Variants in BRIX1 observed in about 807,000 individuals in gnomAD.
BRIX1 encodes the protein biogenesis of ribosomes BRX1.
Under a neutral mutation model 44.0 loss-of-function variants are expected in BRIX1, and 15 were observed. The observed-to-expected ratio is 0.34, with a 90% confidence interval of 0.23 to 0.53. BRIX1 has a LOEUF of 0.53. BRIX1 is among the 20% of genes least tolerant of loss of function. The pLI is 0.95. For missense variants in BRIX1, 420 were observed against 432.8 expected (o/e 0.97, Z 0.26); for synonymous variants, 149 against 135.4 (o/e 1.10, Z -0.70).
In BRIX1 at chr5:34,922,297, T is replaced by C. The variant is rs1764256795; in HGVS notation, c.386+10T>C. ...AGGATCTCTATATGTGGTAAGAGAATGTATTAAGATTTTGGTTAAACTCAT... is the reference window on the plus strand; with the variant it reads ...AGGATCTCTATATGTGGTAAGAGAACGTATTAAGATTTTGGTTAAACTCAT... On this transcript the variant is annotated intron_variant, in intron 4 of 9. Coordinates refer to ENST00000336767, the MANE Select transcript of BRIX1 (RefSeq NM_018321.4). 4 of 1,509,492 alleles carry C rather than the reference T, an allele frequency of 2.6e-6. No individual in the cohort carries two copies. Among genetic ancestry groups the C allele is most frequent in the Non-Finnish European group, 3.7e-6 (4 of 1,094,994 alleles). The allele number at this position is 1,509,492 out of a possible 1,614,324, so 93.5% of individuals were successfully genotyped here. A position where few individuals can be genotyped will look rare whatever the true frequency, so the allele number is the denominator to read the frequency against.
intron 1 of BRIX1, among the ~76,000 whole-genome samples, chr5:34,917,139 G>A (rs1407368468): frequency 1.3e-5 from 2 of 151,478 alleles, no homozygotes; most frequent in African/African-American, 4.8e-5. Context: ...CACTCCAAGG[G>A]AGAAAAAAAA....
At position 34,925,699 on chromosome 5, in the gene BRIX1, G is replaced by C. The variant is rs1470626136; in HGVS notation, c.*204G>C. ...ATCAGTTAATTTCTGATTTCTTTTTGAAGTTTGTGTTGCTAAAAATGTAGC... is the reference window on the plus strand; with the variant it reads ...ATCAGTTAATTTCTGATTTCTTTTTCAAGTTTGTGTTGCTAAAAATGTAGC... On this transcript the variant is annotated 3_prime_UTR_variant, in exon 10 of 10. Coordinates refer to ENST00000336767, the MANE Select transcript of BRIX1 (RefSeq NM_018321.4). 3 of 529,864 alleles carry C rather than the reference G, an allele frequency of 5.7e-6. No homozygotes were observed. The highest frequency in any genetic ancestry group is 6.3e-6 in the Non-Finnish European group (2 of 319,566). 32.8% of individuals were successfully genotyped at this position (529,864 alleles called of 1,614,324 possible). A position where few individuals can be genotyped will look rare whatever the true frequency, so the allele number is the denominator to read the frequency against.
chr5:34,916,451 C>T (rs950676110), intron 1 of BRIX1: 11 of 152,364 alleles, frequency 7.2e-5, no homozygotes, highest in African/African-American at 2.6e-4. Flanking sequence ...TTGAATGTGC[C>T]ATGCACTGTA....
chr5:34,925,187 T>C (rs1373654330), intron 9 of BRIX1, 39 bp from the exon 10 acceptor site: 1 of 1,518,272 alleles, frequency 6.6e-7, no homozygotes, highest in East Asian at 2.4e-5. Context: ...ATGTTTATTT[T>C]TATTTCAAAA....
At chr5:34,919,978 T>C (rs750013349) in intron 3 of BRIX1, 95 bp downstream of exon 3, 1 of 565,620 alleles carries the variant, frequency 1.8e-6, no homozygotes, top group Non-Finnish European at 3.2e-6. Flanking sequence ...AAAATTATTT[T>C]GTAAAAACTA....
At chr5:34,920,470 A>C (rs561250546) in intron 3 of BRIX1, 16 of 152,336 alleles carry the variant, frequency 1.1e-4, no homozygotes, top group African/African-American at 3.6e-4. Flanking sequence ...TCTTTAGAGC[A>C]CAAATTTTTG....
chr5:34,922,335 G>A, intron 4 of BRIX1, 48 bp downstream of exon 4: 1 of 1,209,620 alleles, frequency 8.3e-7, no homozygotes, highest in Non-Finnish European at 1.2e-6. Context: ...AAGTGGATTT[G>A]TTCTTTGTAC....
chr5:34,921,234 C>T (rs1191134463), intron 3 of BRIX1: 1 of 152,166 alleles, frequency 6.6e-6, no homozygotes, highest in Non-Finnish European at 1.5e-5. Context: ...CAAGCCTTCA[C>T]TCCTGTAATG....
chr5:34,919,886 A>G lies in BRIX1; in HGVS notation c.315+3A>G. 1 of 1,136,142 alleles carries G rather than the reference A, an allele frequency of 8.8e-7. No homozygotes were observed. Among genetic ancestry groups the G allele is most frequent in the Non-Finnish European group, 1.3e-6 (1 of 781,358 alleles). 70.4% of individuals were successfully genotyped at this position (1,136,142 alleles called of 1,614,324 possible). ...ATAAGCTATTTGTGATTAACGAGGT[A>G]ATTTTGGAAAGTAATTGCAACAAAA... On this transcript the variant is annotated splice_donor_region_variant and intron_variant, in intron 3 of 9. Transcript: ENST00000336767.
chr5:34,925,287 A>T lies in BRIX1; in HGVS notation c.854A>T (p.Asp285Val), dbSNP rs1764352130. 1.2e-6 allele frequency: 2 copies of T among 1,613,122 alleles called. No individual in the cohort carries two copies. ...TACAGAGAGAAACAGCAAGTGAAAG[A>T]TGTGCAAAAACTGAGAAAGAAAGAG... ...AKYREKQQVKDVQKLRKKEPK... is the reference protein window; with the variant it reads ...AKYREKQQVKVVQKLRKKEPK... The change falls in exon 10 of 10, where the codon GAT (aspartate) becomes GTT (valine). Residue 285 changes from aspartate (D) to valine (V), a missense_variant. Transcript: ENST00000336767.
In BRIX1 at chr5:34,925,318, G is replaced by A. The variant is rs755737240; in HGVS notation, c.885G>A (p.Lys295=). The change falls in exon 10 of 10, where the codon AAG becomes AAA. Residue 295 remains lysine, a synonymous_variant. Coordinates refer to ENST00000336767, the MANE Select transcript of BRIX1 (RefSeq NM_018321.4). ...AAAAACTGAGAAAGAAAGAGCCGAA[G>A]ACTCTTCTTCCACATGATCCCACTG... ...DVQKLRKKEP[K]TLLPHDPTAD... 1 of 1,613,164 alleles carries A rather than the reference G, an allele frequency of 6.2e-7. No individual in the cohort carries two copies. The highest frequency in any genetic ancestry group is 1.1e-5 in the South Asian group (1 of 91,044).
chr5:34,921,320 C>G (rs769211193), intron 3 of BRIX1: 2 of 152,106 alleles, frequency 1.3e-5, no homozygotes, highest in Non-Finnish European at 2.9e-5. Context: ...GTTTGATATA[C>G]TTAGGCTTTT....
chr5:34,925,211 T>C lies in BRIX1; in HGVS notation c.793-15T>C. ...TTTATTTCAAAAGCATCTAATCTTT[T>C]TTTTTTTTTTTTAGCATCGGCGTGT... On this transcript the variant is annotated splice_polypyrimidine_tract_variant and intron_variant, in intron 9 of 9. Coordinates refer to ENST00000336767, the MANE Select transcript of BRIX1 (RefSeq NM_018321.4). The C allele has an allele frequency of 7.1e-7, 1 of 1,413,982 alleles. No homozygotes were observed. The highest frequency in any genetic ancestry group is 9.4e-7 in the Non-Finnish European group (1 of 1,063,356). The allele number at this position is 1,413,982 out of a possible 1,614,324, so 87.6% of individuals were successfully genotyped here. A position where few individuals can be genotyped will look rare whatever the true frequency, so the allele number is the denominator to read the frequency against.
At chr5:34,916,253 G>A (rs1764086219) in intron 1 of BRIX1, 1 of 176,692 alleles carries the variant, frequency 5.7e-6, no homozygotes, top group Non-Finnish European at 1.2e-5. Flanking sequence ...TATTTCTCCA[G>A]TGATTAGTAT....
At chr5:34,923,979 G>A (rs180718170) in intron 8 of BRIX1, among the ~76,000 whole-genome samples, 2 of 152,290 alleles carry the variant, frequency 1.3e-5, no homozygotes, top group South Asian at 2.1e-4. Context: ...CTAATTTGTA[G>A]AAAGTGCTGT....
Position 34,923,063 on chromosome 5 carries a change from T to A in BRIX1, c.561+12T>A, listed in dbSNP as rs1764273767. The A allele has an allele frequency of 6.4e-7, 1 of 1,565,632 alleles. No homozygotes were observed. The highest frequency in any genetic ancestry group is 1.7e-5 in the Admixed American group (1 of 59,684). ...AACTCTTAATTCAGGTAAATATCTT[T>A]AAAATTAGCTATCCAAAATATACAT... On this transcript the variant is annotated intron_variant, in intron 7 of 9. Transcript: ENST00000336767.
Position 34,925,638 on chromosome 5 carries a change from G to C in BRIX1, c.*143G>C, listed in dbSNP as rs950390662. On this transcript the variant is annotated 3_prime_UTR_variant, in exon 10 of 10. Transcript: ENST00000336767. ...GAAAAATTAAGATCTTAAAATCAGT[G>C]ATTATCTTTTTCTAAATAAAATATC... 4.0e-5 allele frequency: 26 copies of C among 647,808 alleles called. No homozygotes were observed. The highest frequency in any genetic ancestry group is 5.8e-5 in the Non-Finnish European group (24 of 413,036). 40.1% of individuals were successfully genotyped at this position (647,808 alleles called of 1,614,324 possible).
chr5:34,921,504 TAAG>T (rs1301733453), intron 3 of BRIX1: 1 of 152,212 alleles, frequency 6.6e-6, no homozygotes, highest in Non-Finnish European at 1.5e-5. Context: ...TAAGATTGGC[TAAG>T]AAGATTGATT....
chr5:34,917,509 G>A (rs1205124923), intron 1 of BRIX1, among the ~76,000 whole-genome samples: 1 of 151,816 alleles, frequency 6.6e-6, no homozygotes, highest in Non-Finnish European at 1.5e-5. Flanking sequence ...GTGCAGTGGC[G>A]GGCACCTGTA....
Sources: gnomAD v4.1 joint callset for allele counts (sites outside exome capture counted in the v4.1 genomes callset) on GRCh38, gnomAD v4.1.1 for gene constraint, MANE v1.5 for transcripts, NCBI Gene and HGNC (gene_info 2026-07-23, HGNC 2026-07-21) for gene names.